The following FARS2 variants were observed in gnomAD, a reference collection of about 807,000 sequenced individuals.
The protein encoded by FARS2 is phenylalanyl-tRNA synthetase 2, mitochondrial, also known as phenylalanine--tRNA ligase, mitochondrial.
In FARS2, 40 loss-of-function variants were observed where a neutral mutation model predicts 46.4. The observed-to-expected ratio is 0.86, with a 90% CI of 0.67 to 1.12. The LOEUF is 1.12. FARS2 is among the 50% of genes most tolerant of loss of function. The pLI is 0.00. For synonymous variants in FARS2, 234 were observed against 214.9 expected (o/e 1.09, Z -0.78); for missense variants, 513 against 567.9 (o/e 0.90, Z 0.98).
intron 4 of FARS2, among the ~76,000 whole-genome samples, chr6:5,508,841 A>G (rs1403422832): frequency 6.6e-6 from 1 of 152,214 alleles, no homozygotes; most frequent in Non-Finnish European, 1.5e-5. Flanking sequence ...TCATAGTACT[A>G]TCATTGGAAA....
intron 1 of FARS2, among the ~76,000 whole-genome samples, chr6:5,299,991 A>G (rs1768180118): frequency 6.6e-6 from 1 of 152,172 alleles, no homozygotes. Context: ...TTTTTTATTT[A>G]TATATGAGAG....
intron 6 of FARS2, among the ~76,000 whole-genome samples, chr6:5,655,490 G>A (rs183014539): frequency 1.8e-4 from 28 of 152,270 alleles, no homozygotes; most frequent in African/African-American, 6.5e-4. Context: ...GGGCTGAAAC[G>A]GACTTGTTGG....
chr6:5,256,674 T>C (rs2127782026), upstream of FARS2, among the ~76,000 whole-genome samples: 1 of 152,244 alleles, frequency 6.6e-6, no homozygotes, highest in African/African-American at 2.4e-5. Flanking sequence ...TGGTGCTGAC[T>C]ACTGCAGTGC....
chr6:5,484,656 C>T (rs1158247449), intron 4 of FARS2, among the ~76,000 whole-genome samples: 1 of 152,176 alleles, frequency 6.6e-6, no homozygotes, highest in Non-Finnish European at 1.5e-5. Context: ...AGTCAGTGGT[C>T]CCAGGGTGAA....
intron 6 of FARS2, among the ~76,000 whole-genome samples, chr6:5,754,386 C>T (rs111834311): frequency 1.3e-5 from 2 of 152,342 alleles, no homozygotes; most frequent in African/African-American, 4.8e-5. Flanking sequence ...CTATTTACTC[C>T]AGCCTAGGGC....
chr6:5,548,895 T>G (rs1771198957), intron 5 of FARS2, among the ~76,000 whole-genome samples: 1 of 152,240 alleles, frequency 6.6e-6, no homozygotes, highest in South Asian at 2.1e-4. Flanking sequence ...GATTTGTACA[T>G]TCATATTTAG....
At chr6:5,754,895 C>A (rs998459147) in intron 6 of FARS2, among the ~76,000 whole-genome samples, 21 of 152,192 alleles carry the variant, frequency 1.4e-4, no homozygotes, top group African/African-American at 5.1e-4. Context: ...AAATTAACCC[C>A]ATTCAGGACT....
chr6:5,752,858 G>T (rs948754137), intron 6 of FARS2, among the ~76,000 whole-genome samples: 2 of 151,886 alleles, frequency 1.3e-5, no homozygotes, highest in South Asian at 4.2e-4. Flanking sequence ...GACACCCCAC[G>T]CCTTGCCCTC....
chr6:5,696,993 AGG>A (rs1231302653), intron 6 of FARS2, among the ~76,000 whole-genome samples: 2 of 152,216 alleles, frequency 1.3e-5, no homozygotes, highest in South Asian at 2.1e-4. Flanking sequence ...TTCTCTAGCT[AGG>A]TGAGTTCTTC....
chr6:5,522,368 C>T (rs1433870747), intron 4 of FARS2, among the ~76,000 whole-genome samples: 3 of 152,178 alleles, frequency 2.0e-5, no homozygotes, highest in African/African-American at 4.8e-5. Context: ...TCCTCTGTGA[C>T]CAGGGAGAGG....
chr6:5,470,868 A>G (rs912061818), intron 4 of FARS2, among the ~76,000 whole-genome samples: 3 of 152,176 alleles, frequency 2.0e-5, no homozygotes, highest in Non-Finnish European at 4.4e-5. Flanking sequence ...TCTTTTTAAT[A>G]TGTGTTCATG....
intron 5 of FARS2, among the ~76,000 whole-genome samples, chr6:5,591,064 C>T (rs1192022165): frequency 6.6e-6 from 1 of 152,216 alleles, no homozygotes; most frequent in Non-Finnish European, 1.5e-5. Flanking sequence ...CAACATTACA[C>T]TTTCACAATC....
intron 1 of FARS2, among the ~76,000 whole-genome samples, chr6:5,318,300 A>C (rs770917007): frequency 3.3e-4 from 50 of 149,478 alleles, no homozygotes; most frequent in African/African-American, 1.2e-3. Flanking sequence ...TGGAGCTTGC[A>C]GTGAGCCAAG....
chr6:5,654,705 A>G (rs1016088985), intron 6 of FARS2, among the ~76,000 whole-genome samples: 2 of 152,192 alleles, frequency 1.3e-5, no homozygotes, highest in South Asian at 4.2e-4. Context: ...AGGTTTCAGT[A>G]TCTATCCTGT....
intron 2 of FARS2, among the ~76,000 whole-genome samples, chr6:5,372,281 G>A (rs886964949): frequency 1.3e-5 from 2 of 152,092 alleles, no homozygotes; most frequent in African/African-American, 4.8e-5. Context: ...TGAAAAGGTG[G>A]TTGACAAGTT....
intron 5 of FARS2, among the ~76,000 whole-genome samples, chr6:5,578,578 G>C (rs1226362678): frequency 6.6e-6 from 1 of 151,988 alleles, no homozygotes; most frequent in Non-Finnish European, 1.5e-5. Flanking sequence ...GGGAGGCCGA[G>C]TTGGGCAGAT....
At chr6:5,284,443 T>A (rs549842320) in intron 1 of FARS2, among the ~76,000 whole-genome samples, 3 of 152,216 alleles carry the variant, frequency 2.0e-5, no homozygotes, top group Admixed American at 6.5e-5. Context: ...ATAGATTTCC[T>A]ATCTTGAATT....
chr6:5,606,334 C>T (rs9504452), intron 5 of FARS2, among the ~76,000 whole-genome samples: 40,881 of 151,608 alleles, frequency 0.27, 6,100 homozygotes, highest in African/African-American at 0.39. Flanking sequence ...TGACTGACAG[C>T]AGACTCGTCA....
chr6:5,324,127 A>T (rs1770181717), intron 1 of FARS2, among the ~76,000 whole-genome samples: 1 of 152,206 alleles, frequency 6.6e-6, no homozygotes, highest in Non-Finnish European at 1.5e-5. Context: ...AATCAGCCAG[A>T]AGCCCCTCTC....
Sources: allele counts gnomAD v4.1 joint callset (sites outside exome capture counted in the v4.1 genomes callset), GRCh38; gene constraint gnomAD v4.1.1; transcripts MANE v1.5; gene names NCBI Gene and HGNC (gene_info 2026-07-23, HGNC 2026-07-21).